Variants in STK32B observed in about 807,000 individuals in gnomAD.
The protein encoded by STK32B is serine/threonine-protein kinase 32B.
In STK32B, 43 loss-of-function variants were observed where a neutral mutation model predicts 52.6. The ratio of observed to expected loss-of-function variants is 0.82; its 90% CI spans 0.64 to 1.05. STK32B has a LOEUF of 1.05. STK32B is among the 50% of genes least tolerant of loss of function. The probability of loss-of-function intolerance (pLI) is 0.00; values close to 1 mark genes in which losing one functional copy is unlikely to be tolerated. For synonymous variants in STK32B, 238 were observed against 204.3 expected, an observed-to-expected ratio of 1.17 and a Z score of -1.41; for missense variants, 621 against 534.6, an observed-to-expected ratio of 1.16 and a Z score of -1.59.
intron 4 of STK32B, among the ~76,000 whole-genome samples, chr4:5,332,235 AG>A (rs1266333041): frequency 1.3e-5 from 2 of 152,200 alleles, no homozygotes; most frequent in Non-Finnish European, 2.9e-5. Context: ...AAAGTTATGA[AG>A]ATAGGGAACA....
intron 5 of STK32B, among the ~76,000 whole-genome samples, chr4:5,411,883 A>G (rs904494074): frequency 5.3e-5 from 8 of 152,218 alleles, no homozygotes; most frequent in Non-Finnish European, 8.8e-5. Context: ...TGACTAAGAC[A>G]TAGAGATACC....
At chr4:5,042,030 A>G in the STK32B span, among the ~76,000 whole-genome samples, 3 of 152,224 alleles carry the variant, frequency 2.0e-5, no homozygotes, top group South Asian at 2.1e-4. Context: ...ATCGTGTTAC[A>G]TAAAATTAAA....
intron 4 of STK32B, among the ~76,000 whole-genome samples, chr4:5,350,407 C>G (rs1733750340): frequency 6.6e-6 from 1 of 151,982 alleles, no homozygotes; most frequent in Non-Finnish European, 1.5e-5. Context: ...ACAAGAAATG[C>G]TTGAGGGAAC....
chr4:5,209,024 C>G (rs1385858045), intron 3 of STK32B, among the ~76,000 whole-genome samples: 1 of 152,210 alleles, frequency 6.6e-6, no homozygotes, highest in Non-Finnish European at 1.5e-5. Flanking sequence ...GGCACATGCC[C>G]CTCTCATGGC....
intron 4 of STK32B, among the ~76,000 whole-genome samples, chr4:5,350,269 G>GA (rs946497504): frequency 1.2e-4 from 18 of 151,952 alleles, no homozygotes; most frequent in African/African-American, 3.6e-4. Context: ...AGATTTTTCA[G>GA]AAAAAAATAT....
At chr4:5,282,926 C>T (rs560972321) in intron 3 of STK32B, among the ~76,000 whole-genome samples, 2 of 152,170 alleles carry the variant, frequency 1.3e-5, no homozygotes, top group South Asian at 2.1e-4. Flanking sequence ...TAACTGAAAC[C>T]ACAGAAAGCA....
At chr4:5,254,552 G>A (rs183642039) in intron 3 of STK32B, among the ~76,000 whole-genome samples, 43 of 152,108 alleles carry the variant, frequency 2.8e-4, no homozygotes, top group African/African-American at 9.6e-4. Context: ...TTTTATGTAA[G>A]TTTTAATATG....
chr4:5,055,669 C>T (rs1287609919), intron 1 of STK32B, among the ~76,000 whole-genome samples: 1 of 152,146 alleles, frequency 6.6e-6, no homozygotes, highest in East Asian at 1.9e-4. Context: ...ACTCCTGGCT[C>T]ACCTGCCTCC....
chr4:5,467,249 C>A lies in STK32B; in HGVS notation c.1041+415C>A, dbSNP rs1176632733. 2.0e-5 allele frequency among the ~76,000 whole-genome samples: 3 copies of A among 152,172 alleles called. No homozygotes were observed. The highest frequency in any genetic ancestry group is 4.4e-5 in the Non-Finnish European group (3 of 68,038). Reference sequence around the variant, plus strand: ...TGGCTTAAAACAACCCACATTGATTCTCTCACGGTTCTGGAGGCCAGAAAT... The same window carrying A: ...TGGCTTAAAACAACCCACATTGATTATCTCACGGTTCTGGAGGCCAGAAAT... On this transcript the variant is annotated intron_variant, in intron 10 of 11. Transcript: ENST00000282908. This position sits in a 1 kb window ranked among gnomAD's most constrained non-coding sequence, Gnocchi z 5.8.
chr4:5,140,437 GA>G, intron 2 of STK32B: 1 of 542,144 alleles, frequency 1.8e-6, no homozygotes, highest in Non-Finnish European at 2.5e-6. Flanking sequence ...CACATACTCA[GA>G]AATTTTTTTT....
rs1215040924 is a variant in STK32B, at chr4:5,198,104, G to A, written c.260+29654G>A. ...AACTGTTCTTATTTCATCAGAGTAG[G>A]AACTTCACAAAATCTATATAAAGTG... On this transcript the variant is annotated intron_variant, in intron 3 of 11. Coordinates refer to ENST00000282908, the MANE Select transcript of STK32B (RefSeq NM_018401.3). Among the ~76,000 whole-genome samples the A allele has an allele frequency of 2.0e-5, 3 of 152,116 alleles. No homozygotes were observed. The East Asian group carries it at 5.8e-4, about 29-fold the overall frequency.
intron 1 of STK32B, among the ~76,000 whole-genome samples, chr4:5,093,147 A>G (rs1235337056): frequency 6.6e-6 from 1 of 152,200 alleles, no homozygotes; most frequent in African/African-American, 2.4e-5. Flanking sequence ...AAAATACTGA[A>G]AAAATTAAGA....
intron 11 of STK32B, among the ~76,000 whole-genome samples, chr4:5,495,638 G>A (rs1174773628): frequency 5.3e-5 from 8 of 152,178 alleles, no homozygotes; most frequent in Admixed American, 5.2e-4. Flanking sequence ...TTCCTTTGGA[G>A]GAGGAGAGGC....
At chr4:5,063,673 A>G (rs1742302815) in intron 1 of STK32B, among the ~76,000 whole-genome samples, 1 of 152,206 alleles carries the variant, frequency 6.6e-6, no homozygotes, top group Non-Finnish European at 1.5e-5. Context: ...GATATTTTAC[A>G]TTAGTTTATT....
Position 5,271,665 on chromosome 4 carries a change from C to A in STK32B, c.261-59555C>A, listed in dbSNP as rs1439258422. 2.0e-5 allele frequency among the ~76,000 whole-genome samples: 3 copies of A among 147,442 alleles called. No homozygotes were observed. The South Asian group carries it at 6.4e-4, about 32-fold the overall frequency. On this transcript the variant is annotated intron_variant, in intron 3 of 11. Coordinates refer to ENST00000282908, the MANE Select transcript of STK32B (RefSeq NM_018401.3). ...GGAATGTTCTTCCATTTGTTTGTAT[C>A]CTCTTTTATTTCCTTGAGCAGTGGT...
chr4:5,316,211 T>TATTTATA (rs1204946072), intron 3 of STK32B, among the ~76,000 whole-genome samples: 2 of 79,718 alleles, frequency 2.5e-5, no homozygotes, highest in African/African-American at 2.0e-4. Context: ...ATAATATATA[T>TATTTATA]TACATAATAT....
At chr4:5,487,410 A>G (rs559098767) in intron 11 of STK32B, among the ~76,000 whole-genome samples, 1 of 152,240 alleles carries the variant, frequency 6.6e-6, no homozygotes, top group Admixed American at 6.5e-5. Flanking sequence ...TAATACAATT[A>G]TAATATGATA....
chr4:5,376,187 G>A (rs947347858), intron 4 of STK32B, among the ~76,000 whole-genome samples: 4 of 152,116 alleles, frequency 2.6e-5, no homozygotes, highest in Non-Finnish European at 5.9e-5. Context: ...CCTCCACTCC[G>A]CCGGACCAGG....
chr4:5,180,569 A>T (rs1210594896), intron 3 of STK32B, among the ~76,000 whole-genome samples: 1 of 152,024 alleles, frequency 6.6e-6, no homozygotes, highest in African/African-American at 2.4e-5. Flanking sequence ...TCCCTGATGG[A>T]TCTCTTCCAG....
Sources: allele counts gnomAD v4.1 joint callset (sites outside exome capture counted in the v4.1 genomes callset), GRCh38; gene constraint gnomAD v4.1.1; non-coding constraint Gnocchi (gnomAD v3.1); transcripts MANE v1.5; gene names NCBI Gene and HGNC (gene_info 2026-07-23, HGNC 2026-07-21).